SMG6: variants seen among roughly 807,000 people sequenced by gnomAD.
The protein encoded by SMG6 is telomerase-binding protein EST1A.
SMG6 carries 66 observed loss-of-function variants against 142.2 expected under a neutral mutation model. The ratio of observed to expected loss-of-function variants is 0.46; its 90% confidence interval spans 0.38 to 0.57. The LOEUF (loss-of-function observed/expected upper bound fraction) is 0.57. SMG6 is among the 20% of genes least tolerant of loss of function. The pLI, the probability that SMG6 is intolerant of heterozygous loss-of-function variation, is 0.00. For missense variants in SMG6, 1,793 were observed against 1,832.0 expected, an observed-to-expected ratio of 0.98 and a Z score of 0.39; for synonymous variants, 779 against 702.4, an observed-to-expected ratio of 1.11 and a Z score of -1.72.
intron 8 of SMG6, among the ~76,000 whole-genome samples, chr17:2,262,591 T>C (rs981012925): frequency 1.3e-5 from 2 of 152,206 alleles, no homozygotes. Context: ...CCTAAAATAC[T>C]TCTTTGACTT....
At chr17:2,128,606 T>G (rs973317006) in intron 13 of SMG6, among the ~76,000 whole-genome samples, 2 of 152,036 alleles carry the variant, frequency 1.3e-5, no homozygotes, top group Non-Finnish European at 2.9e-5. Flanking sequence ...TATTGCAAAC[T>G]TGAGGTCAGG....
At chr17:2,263,052 A>G (rs2074350564) in intron 8 of SMG6, among the ~76,000 whole-genome samples, 1 of 152,246 alleles carries the variant, frequency 6.6e-6, no homozygotes, top group Non-Finnish European at 1.5e-5. Context: ...GAGAAGCCAA[A>G]GAGAAAAAGA....
intron 13 of SMG6, among the ~76,000 whole-genome samples, chr17:2,172,058 A>G (rs1299400181): frequency 6.6e-6 from 1 of 152,244 alleles, no homozygotes; most frequent in African/African-American, 2.4e-5. Flanking sequence ...ACAGTCTCCA[A>G]CAGCGCAACA....
At chr17:2,172,551 A>G (rs949745331) in intron 13 of SMG6, 107 bp downstream of exon 13, 14 of 1,193,734 alleles carry the variant, frequency 1.2e-5, no homozygotes, top group Non-Finnish European at 1.5e-5. Context: ...CACCCTTCTC[A>G]ATGACTTAAT....
chr17:2,086,845 C>T (rs1162832920), intron 13 of SMG6, among the ~76,000 whole-genome samples: 1 of 152,202 alleles, frequency 6.6e-6, no homozygotes, highest in African/African-American at 2.4e-5. Flanking sequence ...CTTCTCCCTA[C>T]TGGCTGAGTG....
chr17:2,282,989 A>C, intron 7 of SMG6, 130 bp from the exon 8 acceptor site: 1 of 776,994 alleles, frequency 1.3e-6, no homozygotes, highest in South Asian at 1.7e-5. Flanking sequence ...TGACCAACAT[A>C]GTGAAACCCT....
chr17:2,061,441 G>C lies in SMG6; in HGVS notation c.*51C>G. ...ATCTTCCGTGCTACACTGGGCGCCT[G>C]GTGGCCTTTCAGGAACGGTTCCACG... On this transcript the variant is annotated 3_prime_UTR_variant, in exon 19 of 19. Coordinates refer to ENST00000263073, the MANE Select transcript of SMG6 (RefSeq NM_017575.5). The C allele has an allele frequency of 1.3e-6, 2 of 1,529,808 alleles. No homozygotes were observed. Among genetic ancestry groups the C allele is most frequent in the Non-Finnish European group, 8.8e-7 (1 of 1,139,584 alleles). 94.8% of individuals were successfully genotyped at this position (1,529,808 alleles called of 1,614,324 possible). A position where few individuals can be genotyped will look rare whatever the true frequency, so the allele number is the denominator to read the frequency against.
chr17:2,154,074 T>G (rs2070921854), intron 13 of SMG6, among the ~76,000 whole-genome samples: 1 of 106,036 alleles, frequency 9.4e-6, no homozygotes. Context: ...TGACGGTGAC[T>G]GGGGGAACCT....
chr17:2,246,640 G>A (rs2073933460), intron 8 of SMG6, among the ~76,000 whole-genome samples: 1 of 152,194 alleles, frequency 6.6e-6, no homozygotes, highest in South Asian at 2.1e-4. Context: ...CAGGGACACT[G>A]GGTTCCATCA....
In SMG6 at chr17:2,149,591, C is replaced by A. The variant is rs541410696; in HGVS notation, c.3357+23067G>T. Among the ~76,000 whole-genome samples the A allele has an allele frequency of 2.0e-3, 305 of 152,252 alleles. 2 individuals carry two copies. The highest frequency in any genetic ancestry group is 5.1e-3 in the African/African-American group (213 of 41,534). ...AGGGCTGTCCCGTGACCCCCATACA[C>A]CTGGAGCAAAAAGCAATCTAGGCAG... On this transcript the variant is annotated intron_variant, in intron 13 of 18. Coordinates refer to ENST00000263073, the MANE Select transcript of SMG6 (RefSeq NM_017575.5).
intron 10 of SMG6, chr17:2,233,511 G>A (rs1393410082): frequency 6.6e-6 from 1 of 152,404 alleles, no homozygotes; most frequent in Non-Finnish European, 1.5e-5. Context: ...CTGGCCAGGG[G>A]AGAAACCTTT....
intron 8 of SMG6, among the ~76,000 whole-genome samples, chr17:2,276,628 C>T (rs992095427): frequency 6.6e-6 from 1 of 152,170 alleles, no homozygotes; most frequent in African/African-American, 2.4e-5. Context: ...TCAGGTGATC[C>T]ACCCACCTCG....
Position 2,300,062 on chromosome 17 carries a change from C to T in SMG6, c.691G>A (p.Asp231Asn), listed in dbSNP as rs35172468. 5 of 1,614,064 alleles carry T rather than the reference C, an allele frequency of 3.1e-6. No individual in the cohort carries two copies. Among genetic ancestry groups the T allele is most frequent in the African/African-American group, 1.3e-5 (1 of 74,926 alleles). The change falls in exon 2 of 19, where the codon GAC (aspartate) becomes AAC (asparagine). Residue 231 changes from aspartate (D) to asparagine (N), a missense_variant. By Grantham distance (23) the Asp-to-Asn change is conservative. Coordinates refer to ENST00000263073, the MANE Select transcript of SMG6 (RefSeq NM_017575.5). ...GKGEGVRETH[D>N]DPARGRPGSA... ...CCCGGCCTCCCGCGGGCTGGGTCGT[C>T]GTGGGTTTCCCTCACCCCCTCCCCT...
intron 10 of SMG6, among the ~76,000 whole-genome samples, chr17:2,223,126 GC>G (rs1317518505): frequency 6.6e-6 from 1 of 152,178 alleles, no homozygotes; most frequent in East Asian, 1.9e-4. Context: ...AGCTGACACA[GC>G]CTAAAGCCCT....
chr17:2,196,146 C>T (rs535146094), intron 10 of SMG6, among the ~76,000 whole-genome samples: 69 of 152,320 alleles, frequency 4.5e-4, no homozygotes, highest in Admixed American at 1.6e-3. Flanking sequence ...CAAAGCCAGG[C>T]ATGGTGACTC....
At chr17:2,121,597 G>C (rs1457325749) in intron 13 of SMG6, among the ~76,000 whole-genome samples, 33 of 3,310 alleles carry the variant, frequency 1.0e-2, no homozygotes, top group East Asian at 0.047. Context: ...CTGTGTGTGT[G>C]TGTGTGTGTG....
At position 2,065,495 on chromosome 17, in the gene SMG6, G is replaced by A. The variant is rs1307448776; in HGVS notation, c.4020C>T (p.Phe1340=). ...GCTGGCCAGTGATGTCCTCACTGCG[G>A]AAGGCGATGGATTCGAGTTCATTGC... The part of the protein sequence containing the change: ...SRGNELESIA[F]RSEDITGQLG... The change falls in exon 17 of 19, where the codon TTC becomes TTT. Residue 1340 remains phenylalanine (F), a synonymous_variant. Transcript: ENST00000263073. The A allele has an allele frequency of 6.2e-7, 1 of 1,613,432 alleles. No individual in the cohort carries two copies. Among genetic ancestry groups the A allele is most frequent in the Non-Finnish European group, 8.5e-7 (1 of 1,179,986 alleles).
chr17:2,122,661 C>T (rs1050979443), intron 13 of SMG6, among the ~76,000 whole-genome samples: 1 of 152,140 alleles, frequency 6.6e-6, no homozygotes, highest in South Asian at 2.1e-4. Context: ...AGTTAGAAGC[C>T]GCGAGCCACT....
At chr17:2,164,074 C>A (rs558866876) in intron 13 of SMG6, among the ~76,000 whole-genome samples, 7 of 148,180 alleles carry the variant, frequency 4.7e-5, no homozygotes, top group Middle Eastern at 7.6e-3. Flanking sequence ...AAAACAAGGA[C>A]GACAATGACA....
Sources: gnomAD v4.1 joint callset for allele counts (sites outside exome capture counted in the v4.1 genomes callset) on GRCh38, gnomAD v4.1.1 for gene constraint, MANE v1.5 for transcripts, NCBI Gene and HGNC (gene_info 2026-07-23, HGNC 2026-07-21) for gene names.